The following CACNA1D variants were observed in gnomAD, a reference collection of about 807,000 sequenced individuals.
The protein encoded by CACNA1D is calcium voltage-gated channel subunit alpha1 D, also known as voltage-dependent L-type calcium channel subunit alpha-1D.
In CACNA1D, 55 loss-of-function variants were observed where a neutral mutation model predicts 257.1. That is an observed-to-expected ratio of 0.21 (90% CI 0.17 to 0.27). CACNA1D has a LOEUF of 0.27. CACNA1D is among the 10% of genes least tolerant of loss of function. The probability of loss-of-function intolerance (pLI) is 1.00; values close to 1 mark genes in which losing one functional copy is unlikely to be tolerated. For synonymous variants in CACNA1D, 980 were observed against 1,014.9 expected, an observed-to-expected ratio of 0.97 and a Z score of 0.65; for missense variants, 1,876 against 2,784.0, an observed-to-expected ratio of 0.67 and a Z score of 7.34.
At chr3:53,520,895 T>TTTCTTTC (rs1553713023) in intron 3 of CACNA1D, among the ~76,000 whole-genome samples, 191 of 86,784 alleles carry the variant, frequency 2.2e-3, no homozygotes, top group East Asian at 4.7e-3. Flanking sequence ...TCTTTCTTTC[T>TTTCTTTC]TTTCTTTTCT....
intron 8 of CACNA1D, among the ~76,000 whole-genome samples, chr3:53,696,531 G>A (rs954892631): frequency 6.6e-6 from 1 of 152,206 alleles, no homozygotes; most frequent in Non-Finnish European, 1.5e-5. Context: ...GGCCACCCAG[G>A]GTAGGGGACA....
chr3:53,674,708 C>A (rs1221078217), intron 8 of CACNA1D, among the ~76,000 whole-genome samples: 1 of 152,208 alleles, frequency 6.6e-6, no homozygotes, highest in South Asian at 2.1e-4. Flanking sequence ...GAGAAGGGAG[C>A]TGGGGGCTGT....
intron 40 of CACNA1D, among the ~76,000 whole-genome samples, chr3:53,795,504 T>G (rs909247654): frequency 6.6e-6 from 1 of 152,224 alleles, no homozygotes; most frequent in Non-Finnish European, 1.5e-5. Flanking sequence ...ACTGAGCCTT[T>G]GACTCATTTG....
chr3:53,666,648 T>C lies in CACNA1D; in HGVS notation c.1116+113T>C, dbSNP rs2094267435. ...AAAAGAAACCCTGAAGTCAGTTATT[T>C]GGGAAGGGAAGCAGATGCTGTCTTT... On this transcript the variant is annotated intron_variant, in intron 7 of 47. Coordinates refer to ENST00000350061, the MANE Select transcript of CACNA1D (RefSeq NM_001128840.3). 5.7e-6 allele frequency: 5 copies of C among 878,656 alleles called. No individual in the cohort carries two copies. In the Admixed American group the frequency reaches 8.7e-5, roughly 15 times the overall value. 54.4% of individuals were successfully genotyped at this position (878,656 alleles called of 1,614,324 possible).
chr3:53,702,036 G>A (rs2094630740), intron 8 of CACNA1D, among the ~76,000 whole-genome samples: 1 of 152,200 alleles, frequency 6.6e-6, no homozygotes, highest in Non-Finnish European at 1.5e-5. Flanking sequence ...ACTGGGTTGT[G>A]GAGGGGGTGG....
chr3:53,575,122 C>T (rs992174043), intron 3 of CACNA1D, among the ~76,000 whole-genome samples: 8 of 152,174 alleles, frequency 5.3e-5, no homozygotes, highest in East Asian at 3.9e-4. Flanking sequence ...GGGTGTAGGC[C>T]GGACCCTAGA....
chr3:53,699,806 A>G (rs909041085), intron 8 of CACNA1D, among the ~76,000 whole-genome samples: 2 of 152,240 alleles, frequency 1.3e-5, no homozygotes, highest in Non-Finnish European at 2.9e-5. Context: ...TGAGTGGGCC[A>G]TAAACCAGGA....
At chr3:53,534,472 G>A (rs1295755242) in intron 3 of CACNA1D, among the ~76,000 whole-genome samples, 2 of 152,134 alleles carry the variant, frequency 1.3e-5, no homozygotes, top group East Asian at 1.9e-4. Flanking sequence ...CATAACCTCC[G>A]CATCTTCCTG....
chr3:53,800,887 A>C lies in CACNA1D; in HGVS notation c.5041-171A>C, dbSNP rs1179404534. ...AACCTTCCTCATCTCGGGGGGACCAACTGCCACACAGTCACATTCACCCTG... is the reference window on the plus strand; with the variant it reads ...AACCTTCCTCATCTCGGGGGGACCACCTGCCACACAGTCACATTCACCCTG... On this transcript the variant is annotated intron_variant, in intron 41 of 47. Coordinates refer to ENST00000350061, the MANE Select transcript of CACNA1D (RefSeq NM_001128840.3). This position sits in a 1 kb window ranked among gnomAD's most constrained non-coding sequence, Gnocchi z 4.3. The C allele has an allele frequency of 2.9e-6, 2 of 679,054 alleles. No individual in the cohort carries two copies. Among genetic ancestry groups the C allele is most frequent in the Non-Finnish European group, 2.6e-6 (1 of 386,102 alleles). 42.1% of individuals were successfully genotyped at this position (679,054 alleles called of 1,614,324 possible).
Position 53,770,448 on chromosome 3 carries a change from T to C in CACNA1D, c.3940T>C (p.Ser1314Pro), listed in dbSNP as rs1420261944. The change falls in exon 32 of 48, where the codon TCC (serine) becomes CCC (proline). Residue 1314 changes from serine (S) to proline (P), a missense_variant. Physicochemically the swap from Ser to Pro is moderately conservative, Grantham distance 74 (BLOSUM62 -1). This residue lies in a region of CACNA1D where 204 missense variants were observed against 309.4 expected (regional missense o/e 0.66). Transcript: ENST00000350061. ...GAACTCTGAAGAGAGCAATAGAATC[T>C]CCATCACCTTTTTCCGTCTTTTCCG... ...PGNSEESNRI[S>P]ITFFRLFRVM... 6.2e-7 allele frequency: 1 copy of C among 1,613,924 alleles called. No homozygotes were observed. Among genetic ancestry groups the C allele is most frequent in the South Asian group, 1.1e-5 (1 of 91,072 alleles).
At chr3:53,714,745 T>C (rs567643939) in intron 9 of CACNA1D, among the ~76,000 whole-genome samples, 21 of 152,344 alleles carry the variant, frequency 1.4e-4, no homozygotes, top group Admixed American at 1.3e-3. Context: ...GATTTCTCAG[T>C]GTCAGCTGTG....
At chr3:53,669,213 G>A (rs903088188) in intron 7 of CACNA1D, among the ~76,000 whole-genome samples, 1 of 152,254 alleles carries the variant, frequency 6.6e-6, no homozygotes, top group Non-Finnish European at 1.5e-5. Flanking sequence ...AAGGAACCAA[G>A]CCTTCCTAAT....
intron 30 of CACNA1D, among the ~76,000 whole-genome samples, chr3:53,764,719 G>A (rs931445607): frequency 3.3e-5 from 5 of 152,232 alleles, no homozygotes; most frequent in African/African-American, 9.6e-5. Flanking sequence ...CAGTGTATCA[G>A]TGTTGCTGTG....
At chr3:53,722,264 C>T (rs574726770) in intron 11 of CACNA1D, 50 bp from the exon 12 acceptor site, 1 of 1,604,056 alleles carries the variant, frequency 6.2e-7, no homozygotes, top group African/African-American at 1.3e-5. Context: ...TTATTGGATA[C>T]TCAGATGCTG....
intron 3 of CACNA1D, among the ~76,000 whole-genome samples, chr3:53,507,097 A>T (rs2107194180): frequency 6.6e-6 from 1 of 151,340 alleles, no homozygotes; most frequent in East Asian, 2.0e-4. Flanking sequence ...AAAAAAACAA[A>T]AAAATGTGGT....
chr3:53,624,531 T>A (rs2093734888), intron 3 of CACNA1D, among the ~76,000 whole-genome samples: 1 of 152,072 alleles, frequency 6.6e-6, no homozygotes, highest in Admixed American at 6.6e-5. Flanking sequence ...TTACTACCCC[T>A]CTCCCTGCCA....
chr3:53,542,464 T>A (rs181371372), intron 3 of CACNA1D, among the ~76,000 whole-genome samples: 2 of 152,040 alleles, frequency 1.3e-5, no homozygotes, highest in Admixed American at 6.5e-5. Context: ...GCTGTAGCAC[T>A]AGCTACTCAA....
intron 18 of CACNA1D, among the ~76,000 whole-genome samples, chr3:53,732,414 T>C (rs2095004483): frequency 1.3e-5 from 2 of 152,172 alleles, no homozygotes; most frequent in East Asian, 3.8e-4. Context: ...TGGGTGGGAC[T>C]GTGGAGTTGG....
rs372462019 is a variant in CACNA1D at position 53,802,354 on chromosome 3, C to T, written c.5435+181C>T. Among the ~76,000 whole-genome samples, 5 of 152,220 alleles carry T rather than the reference C, an allele frequency of 3.3e-5. No homozygotes were observed. In the East Asian group the frequency reaches 7.7e-4, roughly 23 times the overall value. On this transcript the variant is annotated intron_variant, in intron 43 of 47. Coordinates refer to ENST00000350061, the MANE Select transcript of CACNA1D (RefSeq NM_001128840.3). Reference sequence around the variant, plus strand: ...CTTCTAAGCAAAGGCACCTTCAGATCCATATCTCTGTCGACTCTGTTGCCA... The same window carrying T: ...CTTCTAAGCAAAGGCACCTTCAGATTCATATCTCTGTCGACTCTGTTGCCA...
Sources: gnomAD v4.1 joint callset for allele counts (sites outside exome capture counted in the v4.1 genomes callset) on GRCh38, gnomAD v4.1.1 for gene constraint, gnomAD v4.1.1 regional missense constraint, Gnocchi (gnomAD v3.1) non-coding constraint, MANE v1.5 for transcripts, NCBI Gene and HGNC (gene_info 2026-07-23, HGNC 2026-07-21) for gene names.